SPIRE2: variants seen among roughly 807,000 people sequenced by gnomAD.
SPIRE2 encodes protein spire homolog 2.
A neutral mutation model predicts 80.7 loss-of-function variants in SPIRE2; 76 were observed. The observed-to-expected ratio is 0.94, with a 90% CI of 0.78 to 1.14. The LOEUF (loss-of-function observed/expected upper bound fraction) is 1.14. SPIRE2 is among the 50% of genes most tolerant of loss of function. SPIRE2 has a pLI of 0.00. For missense variants in SPIRE2, 1,196 were observed against 1,015.3 expected (o/e 1.18, Z -2.42); for synonymous variants, 535 against 432.6 (o/e 1.24, Z -2.94).
chr16:89,861,131 T>A (rs1415863106), intron 10 of SPIRE2, among the ~76,000 whole-genome samples: 3 of 152,122 alleles, frequency 2.0e-5, no homozygotes, highest in African/African-American at 7.2e-5. Flanking sequence ...GTTCACTGGG[T>A]CGAGACCTTG....
intron 1 of SPIRE2, among the ~76,000 whole-genome samples, chr16:89,835,026 G>A (rs901647040): frequency 2.7e-5 from 4 of 145,574 alleles, no homozygotes; most frequent in Admixed American, 6.9e-5. Flanking sequence ...GCGGTTGGCC[G>A]TCGTAGAAGC....
intron 13 of SPIRE2, 43 bp from the exon 14 acceptor site, chr16:89,869,522 GTC>G: frequency 3.7e-6 from 5 of 1,351,440 alleles, no homozygotes; most frequent in African/African-American, 1.4e-5. Flanking sequence ...GTACCTGAAT[GTC>G]TCTGGTGGTG....
rs752976455 is a variant in SPIRE2 at position 89,869,605 on chromosome 16, C to G, written c.1845C>G (p.Val615=). 1.9e-6 allele frequency: 3 copies of G among 1,614,134 alleles called. No homozygotes were observed. The highest frequency in any genetic ancestry group is 2.5e-6 in the Non-Finnish European group (3 of 1,179,968). The change falls in exon 14 of 15, where the codon GTC becomes GTG. Residue 615 remains valine (V), a synonymous_variant. Transcript: ENST00000378247. ...CTAAGAAATTTGGACACATCCCTGT[C>G]TACACACTGGGCTTTGAGAGTCCTC... ...MPSKKFGHIP[V]YTLGFESPQR...
At position 89,870,390 on chromosome 16, in the gene SPIRE2, C is replaced by G; in HGVS notation, c.*118C>G. 1 of 639,288 alleles carries G rather than the reference C, an allele frequency of 1.6e-6. No homozygotes were observed. The allele number at this position is 639,288 out of a possible 1,614,324, so 39.6% of individuals were successfully genotyped here. A position where few individuals can be genotyped will look rare whatever the true frequency, so the allele number is the denominator to read the frequency against. ...TAGATACATTTATAATATATACACA[C>G]AGTCTATATATTTATATACACTGTT... On this transcript the variant is annotated 3_prime_UTR_variant, in exon 15 of 15. Transcript: ENST00000378247.
At chr16:89,845,603 AGTG>A in intron 2 of SPIRE2, 1 of 702,512 alleles carries the variant, frequency 1.4e-6, no homozygotes, top group East Asian at 2.7e-5. Context: ...TGGAGGAGGC[AGTG>A]GTGTTACTTC....
At chr16:89,831,532 G>T (rs2143772193) in intron 1 of SPIRE2, among the ~76,000 whole-genome samples, 1 of 149,822 alleles carries the variant, frequency 6.7e-6, no homozygotes, top group South Asian at 2.1e-4. Flanking sequence ...CGAGTAGCTG[G>T]GACTACATGC....
At chr16:89,854,004 C>T (rs1217814123) in intron 3 of SPIRE2, among the ~76,000 whole-genome samples, 6 of 152,268 alleles carry the variant, frequency 3.9e-5, no homozygotes, top group Non-Finnish European at 5.9e-5. Context: ...GGACCTAGAG[C>T]AGCTGCGGGG....
Position 89,864,628 on chromosome 16 carries a change from G to A in SPIRE2, c.1778+767G>A, listed in dbSNP as rs1019143234. ...TAACATCGGTTTCCACCGGCCACAG[G>A]CAGAAATGTCATAATTCACAGGGCA... On this transcript the variant is annotated intron_variant, in intron 12 of 14. Coordinates refer to ENST00000378247, the MANE Select transcript of SPIRE2 (RefSeq NM_032451.2). Among the ~76,000 whole-genome samples the A allele has an allele frequency of 6.6e-5, 10 of 152,308 alleles. No individual in the cohort carries two copies. The East Asian group carries it at 1.9e-3, about 29-fold the overall frequency.
Position 89,854,303 on chromosome 16 carries a change from G to A in SPIRE2, c.663G>A (p.Arg221=), listed in dbSNP as rs149317636. 26 of 1,612,128 alleles carry A rather than the reference G, an allele frequency of 1.6e-5. No homozygotes were observed. The highest frequency in any genetic ancestry group is 2.1e-5 in the Non-Finnish European group (25 of 1,179,758). ...GGTCACAGATGCTGCAGAAGCTTCG[G>A]GAGGACGAGCCGCATCTGGAGACGC... ...REAKEMLQKL[R]EDEPHLETPR... Residue 221 remains arginine (R), a synonymous_variant, in exon 4 of 15, where the codon CGG becomes CGA. Transcript: ENST00000378247.
intron 14 of SPIRE2, 69 bp from the exon 15 acceptor site, chr16:89,869,981 C>A: frequency 7.2e-7 from 1 of 1,395,958 alleles, no homozygotes; most frequent in Non-Finnish European, 9.9e-7. Context: ...CTGTGGCATG[C>A]ACAAGCAGGG....
chr16:89,860,691 C>A lies in SPIRE2; in HGVS notation c.1471C>A (p.Pro491Thr). 6.3e-7 allele frequency: 1 copy of A among 1,588,854 alleles called. No homozygotes were observed. The change falls in exon 10 of 15, where the codon CCC becomes ACC. Residue 491 changes from proline (P) to threonine (T), a missense_variant. Coordinates refer to ENST00000378247, the MANE Select transcript of SPIRE2 (RefSeq NM_032451.2). ...RPGSRDQGTCPASVSDPSHPL... is the reference protein window; with the variant it reads ...RPGSRDQGTCTASVSDPSHPL... ...CCTCTGCTCTCCCCCAGGTACCTGT[C>A]CCGCGAGTGTCTCTGACCCCAGCCA...
rs946445703 is a variant in SPIRE2 at position 89,848,120 on chromosome 16, T to C, written c.289-2184T>C. Among the ~76,000 whole-genome samples, 14 of 152,334 alleles carry C rather than the reference T, an allele frequency of 9.2e-5. No homozygotes were observed. The East Asian group carries it at 2.5e-3, about 27-fold the overall frequency. ...CTTCCCTGCCCTTCCCTCTGGGAAT[T>C]TGTGTGAACAGCGGCTCTTCCAGTC... On this transcript the variant is annotated intron_variant, in intron 2 of 14. Coordinates refer to ENST00000378247, the MANE Select transcript of SPIRE2 (RefSeq NM_032451.2).
In SPIRE2 at chr16:89,850,394, C is replaced by A. The variant is rs772868247; in HGVS notation, c.379C>A (p.Arg127=). The A allele has an allele frequency of 6.3e-7, 1 of 1,596,670 alleles. No individual in the cohort carries two copies. The highest frequency in any genetic ancestry group is 8.5e-7 in the Non-Finnish European group (1 of 1,173,288). ...GCGCGAACTCAGCCCTCAGCTGGAG[C>A]GGCTCATCGACCTCATGGCCAACAA... is the stretch of plus-strand genomic sequence containing the variant. The part of the protein sequence containing the change: ...EERELSPQLE[R]LIDLMANNDS... Residue 127 remains arginine, a synonymous_variant, in exon 3 of 15, where the codon CGG becomes AGG. Transcript: ENST00000378247.
At chr16:89,846,243 G>T (rs1228605616) in intron 2 of SPIRE2, 1 of 152,140 alleles carries the variant, frequency 6.6e-6, no homozygotes, top group African/African-American at 2.4e-5. Flanking sequence ...GCCCGGACTA[G>T]TCTCAAACTC....
chr16:89,848,317 A>G (rs939021843), intron 2 of SPIRE2, among the ~76,000 whole-genome samples: 11 of 152,312 alleles, frequency 7.2e-5, no homozygotes, highest in Middle Eastern at 3.4e-3. Flanking sequence ...CCTTGATTCT[A>G]GGATGTGTCT....
chr16:89,866,298 T>A (rs922586039), intron 12 of SPIRE2, among the ~76,000 whole-genome samples: 3 of 152,180 alleles, frequency 2.0e-5, no homozygotes, highest in Non-Finnish European at 4.4e-5. Flanking sequence ...GTTTGAATTT[T>A]TTTTTTTTAT....
chr16:89,842,470 C>T (rs1441193215), intron 1 of SPIRE2, among the ~76,000 whole-genome samples: 7 of 152,144 alleles, frequency 4.6e-5, no homozygotes, highest in Admixed American at 3.9e-4. Context: ...ACTTCGGCCT[C>T]CCGAAGTGCT....
chr16:89,836,466 C>A (rs1354234790), intron 1 of SPIRE2: 2 of 306,720 alleles, frequency 6.5e-6, no homozygotes, highest in Non-Finnish European at 1.3e-5. Flanking sequence ...ATCCTCCCTT[C>A]CATCTCATTT....
chr16:89,839,462 G>A (rs2041482739), intron 1 of SPIRE2, among the ~76,000 whole-genome samples: 1 of 152,046 alleles, frequency 6.6e-6, no homozygotes, highest in African/African-American at 2.4e-5. Flanking sequence ...GTGGGGGGCG[G>A]CGCTGATTTG....
Sources: allele counts gnomAD v4.1 joint callset (sites outside exome capture counted in the v4.1 genomes callset), GRCh38; gene constraint gnomAD v4.1.1; transcripts MANE v1.5; gene names NCBI Gene and HGNC (gene_info 2026-07-23, HGNC 2026-07-21).